Variants in ARHGAP24 observed in about 807,000 individuals in gnomAD.
The protein encoded by ARHGAP24 is Rho GTPase activating protein 24, also known as rho GTPase-activating protein 24.
A neutral mutation model predicts 76.4 loss-of-function variants in ARHGAP24; 50 were observed. That is an observed-to-expected ratio of 0.65 (90% confidence interval 0.52 to 0.83). The LOEUF (loss-of-function observed/expected upper bound fraction) is 0.83. Ranked by LOEUF, ARHGAP24 falls within the 40% of genes least tolerant of loss-of-function variation. The pLI, the probability that ARHGAP24 is intolerant of heterozygous loss-of-function variation, is 0.00. For synonymous variants in ARHGAP24, 345 were observed against 323.3 expected (o/e 1.07, Z -0.72); for missense variants, 930 against 914.2 (o/e 1.02, Z -0.22).
chr4:85,642,941 C>T (rs2109972081), intron 2 of ARHGAP24, among the ~76,000 whole-genome samples: 1 of 152,270 alleles, frequency 6.6e-6, no homozygotes, highest in South Asian at 2.1e-4. Context: ...ATCTCTCTGA[C>T]TGTGGCTCCT....
chr4:85,895,337 C>G (rs771325156), intron 3 of ARHGAP24, among the ~76,000 whole-genome samples: 25 of 152,038 alleles, frequency 1.6e-4, no homozygotes, highest in Admixed American at 1.6e-3. Context: ...AGTTTAGAAC[C>G]AGAACTGGCT....
At chr4:85,485,706 GCTGCCAAA>G (rs1403865801) in intron 1 of ARHGAP24, among the ~76,000 whole-genome samples, 5 of 150,462 alleles carry the variant, frequency 3.3e-5, no homozygotes, top group Non-Finnish European at 7.4e-5. Context: ...AAAAGTCTAT[GCTGCCAAA>G]TGGCAGTGTG....
chr4:85,818,719 T>C (rs1029419224), intron 3 of ARHGAP24, among the ~76,000 whole-genome samples: 1 of 152,204 alleles, frequency 6.6e-6, no homozygotes, highest in African/African-American at 2.4e-5. Context: ...AGATAATATA[T>C]ATTTTCATTG....
chr4:85,862,498 T>G (rs977249514), intron 3 of ARHGAP24, among the ~76,000 whole-genome samples: 2 of 152,062 alleles, frequency 1.3e-5, no homozygotes, highest in Admixed American at 6.6e-5. Flanking sequence ...TATCTGACCA[T>G]TAAGCTAAGC....
At chr4:85,770,825 A>G (rs1241643656) in intron 3 of ARHGAP24, among the ~76,000 whole-genome samples, 2 of 152,262 alleles carry the variant, frequency 1.3e-5, no homozygotes, top group South Asian at 2.1e-4. Flanking sequence ...GCCCATCCTC[A>G]CCTTGGCCTA....
intron 1 of ARHGAP24, among the ~76,000 whole-genome samples, chr4:85,546,045 G>C (rs993389742): frequency 1.6e-4 from 24 of 152,168 alleles, no homozygotes; most frequent in Middle Eastern, 6.8e-3. Flanking sequence ...TAGGACTGTA[G>C]GTATCTTTTT....
intron 3 of ARHGAP24, among the ~76,000 whole-genome samples, chr4:85,921,664 T>G (rs1249871574): frequency 6.6e-6 from 1 of 152,128 alleles, no homozygotes; most frequent in Non-Finnish European, 1.5e-5. Flanking sequence ...TCTATGCTTT[T>G]TCAGATACGA....
At chr4:85,736,676 G>C (rs1204940913) in intron 3 of ARHGAP24, among the ~76,000 whole-genome samples, 1 of 152,188 alleles carries the variant, frequency 6.6e-6, no homozygotes, top group Non-Finnish European at 1.5e-5. Context: ...AAGCAATCGA[G>C]TACTTACAAA....
chr4:85,679,220 T>C (rs1344432221), intron 2 of ARHGAP24, among the ~76,000 whole-genome samples: 1 of 152,112 alleles, frequency 6.6e-6, no homozygotes, highest in East Asian at 1.9e-4. Context: ...AGATGGTGAA[T>C]ATTTCTCTCA....
At chr4:85,922,331 A>G (rs1464451754) in intron 3 of ARHGAP24, among the ~76,000 whole-genome samples, 2 of 152,216 alleles carry the variant, frequency 1.3e-5, no homozygotes, top group African/African-American at 4.8e-5. Flanking sequence ...TAATGCCTGT[A>G]ACTTTCAGAA....
At chr4:85,973,842 T>G (rs13131631) in intron 6 of ARHGAP24, among the ~76,000 whole-genome samples, 9 of 80,578 alleles carry the variant, frequency 1.1e-4, no homozygotes, top group South Asian at 6.4e-4. Flanking sequence ...TGTTTTTTTT[T>G]TTTTTTTTTT....
intron 2 of ARHGAP24, among the ~76,000 whole-genome samples, chr4:85,701,683 C>CT (rs995308313): frequency 2.6e-4 from 40 of 151,764 alleles, no homozygotes; most frequent in African/African-American, 9.2e-4. Flanking sequence ...GAATTTTTTT[C>CT]TTTTTACAAT....
chr4:85,618,692 C>T (rs1358219755), intron 2 of ARHGAP24, among the ~76,000 whole-genome samples: 1 of 152,054 alleles, frequency 6.6e-6, no homozygotes, highest in Non-Finnish European at 1.5e-5. Context: ...GAGATGATAT[C>T]TCATTGTAGT....
At chr4:85,896,461 CTCT>C (rs923898852) in intron 3 of ARHGAP24, among the ~76,000 whole-genome samples, 2 of 152,184 alleles carry the variant, frequency 1.3e-5, no homozygotes, top group African/African-American at 4.8e-5. Context: ...CTCCTTAAGT[CTCT>C]TCTTATAGTG....
intron 2 of ARHGAP24, among the ~76,000 whole-genome samples, chr4:85,666,319 G>A (rs1055816378): frequency 2.0e-5 from 3 of 152,052 alleles, no homozygotes; most frequent in Non-Finnish European, 4.4e-5. Context: ...GGCTCCTGAG[G>A]CTTCTGCATT....
chr4:85,863,304 A>G (rs892885516), intron 3 of ARHGAP24, among the ~76,000 whole-genome samples: 2 of 152,052 alleles, frequency 1.3e-5, no homozygotes, highest in African/African-American at 4.8e-5. Context: ...ACCACCCTAA[A>G]TAATGCAGGC....
At chr4:85,865,780 A>G (rs1189424687) in intron 3 of ARHGAP24, among the ~76,000 whole-genome samples, 2 of 151,944 alleles carry the variant, frequency 1.3e-5, no homozygotes, top group African/African-American at 4.8e-5. Context: ...ATTCTTTTAT[A>G]GAAGGCATCT....
intron 7 of ARHGAP24, 123 bp from the exon 8 acceptor site, chr4:85,977,447 T>C: frequency 8.7e-7 from 1 of 1,152,294 alleles, no homozygotes; most frequent in Non-Finnish European, 1.3e-6. Context: ...AACATCCAAA[T>C]AATTCTGTCT....
intron 1 of ARHGAP24, among the ~76,000 whole-genome samples, chr4:85,560,860 T>C (rs1318065943): frequency 6.6e-6 from 1 of 152,232 alleles, no homozygotes; most frequent in African/African-American, 2.4e-5. Flanking sequence ...TTGGTCATGA[T>C]GTCCTTGCAT....
Sources: gnomAD v4.1 joint callset for allele counts (sites outside exome capture counted in the v4.1 genomes callset) on GRCh38, gnomAD v4.1.1 for gene constraint, MANE v1.5 for transcripts, NCBI Gene and HGNC (gene_info 2026-07-23, HGNC 2026-07-21) for gene names.